ADCY5: variants seen among roughly 807,000 people sequenced by gnomAD.
The protein encoded by ADCY5 is adenylate cyclase type 5.
In ADCY5, 30 loss-of-function variants were observed where a neutral mutation model predicts 119.7. The ratio of observed to expected loss-of-function variants is 0.25; its 90% CI spans 0.19 to 0.34. The LOEUF is 0.34. Among genes scored for constraint, ADCY5 ranks in the 10% least tolerant of loss-of-function variants. ADCY5 has a pLI of 1.00. For missense variants in ADCY5, 1,324 were observed against 1,775.2 expected (o/e 0.75, Z 4.57); for synonymous variants, 753 against 762.2 (o/e 0.99, Z 0.20).
At chr3:123,322,892 G>A (rs1241370331) in intron 8 of ADCY5, among the ~76,000 whole-genome samples, 1 of 152,072 alleles carries the variant, frequency 6.6e-6, no homozygotes, top group Non-Finnish European at 1.5e-5. Context: ...TCACTACTTC[G>A]CGCTCCCAGC....
chr3:123,408,305 C>T (rs897764707), intron 1 of ADCY5, among the ~76,000 whole-genome samples: 1 of 151,518 alleles, frequency 6.6e-6, no homozygotes, highest in South Asian at 2.1e-4. Context: ...TTCATTTGTA[C>T]ACTCAGCAAG....
intron 1 of ADCY5, among the ~76,000 whole-genome samples, chr3:123,393,210 C>G (rs758588399): frequency 3.3e-5 from 5 of 152,144 alleles, no homozygotes; most frequent in African/African-American, 4.8e-5. Context: ...AACTCTGCAG[C>G]CTTGGGTTCA....
intron 8 of ADCY5, among the ~76,000 whole-genome samples, chr3:123,323,816 T>C (rs988480505): frequency 7.9e-5 from 12 of 152,176 alleles, no homozygotes; most frequent in African/African-American, 2.7e-4. Context: ...CATGCCACTA[T>C]GCCTAGCTAG....
At chr3:123,418,403 G>A (rs1409599232) in intron 1 of ADCY5, among the ~76,000 whole-genome samples, 2 of 152,190 alleles carry the variant, frequency 1.3e-5, no homozygotes, top group East Asian at 3.8e-4. Context: ...AAGAAAAGAG[G>A]TATATTTAGC....
intron 17 of ADCY5, among the ~76,000 whole-genome samples, chr3:123,292,180 T>C (rs1373611250): frequency 6.6e-6 from 1 of 152,224 alleles, no homozygotes; most frequent in Admixed American, 6.5e-5. Flanking sequence ...AAAATCTGGC[T>C]GGCCCACTTG....
At chr3:123,369,978 G>A (rs748082764) in intron 1 of ADCY5, among the ~76,000 whole-genome samples, 4 of 152,198 alleles carry the variant, frequency 2.6e-5, no homozygotes, top group Admixed American at 6.5e-5. Flanking sequence ...TTGGCACCAC[G>A]GCCACGGGAA....
chr3:123,437,706 A>G (rs1417908761), intron 1 of ADCY5, among the ~76,000 whole-genome samples: 2 of 152,140 alleles, frequency 1.3e-5, no homozygotes, highest in African/African-American at 4.8e-5. Flanking sequence ...GGGATGGGAA[A>G]GAAACATTTG....
chr3:123,346,616 T>G (rs1942572459), intron 3 of ADCY5, among the ~76,000 whole-genome samples: 1 of 58,024 alleles, frequency 1.7e-5, no homozygotes, highest in African/African-American at 4.5e-5. Flanking sequence ...CTTCTCTCTC[T>G]CTCTCTCTCT....
chr3:123,359,188 G>A (rs1391097335), intron 1 of ADCY5, among the ~76,000 whole-genome samples: 2 of 151,706 alleles, frequency 1.3e-5, no homozygotes, highest in Non-Finnish European at 2.9e-5. Flanking sequence ...GGCTGTGGTG[G>A]GAATCAGAAC....
intron 8 of ADCY5, among the ~76,000 whole-genome samples, chr3:123,325,041 C>T (rs1025874096): frequency 1.3e-5 from 2 of 152,222 alleles, no homozygotes; most frequent in Non-Finnish European, 2.9e-5. Flanking sequence ...ATGCCTGCTT[C>T]CAGGCTGTGC....
chr3:123,325,604 G>A (rs982012393), intron 7 of ADCY5, 142 bp from the exon 8 acceptor site: 45 of 1,115,856 alleles, frequency 4.0e-5, no homozygotes, highest in African/African-American at 2.7e-4. Context: ...GCCAGAGCTC[G>A]GCCCAGATCC....
At chr3:123,336,478 G>A (rs886485466) in intron 3 of ADCY5, among the ~76,000 whole-genome samples, 12 of 152,348 alleles carry the variant, frequency 7.9e-5, no homozygotes, top group Middle Eastern at 3.4e-3. Context: ...GGTCCACCCC[G>A]AGCCTGAGGC....
At chr3:123,399,852 A>G (rs55925662) in intron 1 of ADCY5, among the ~76,000 whole-genome samples, 40,308 of 152,128 alleles carry the variant, frequency 0.26, 5,501 homozygotes, top group Middle Eastern at 0.35. Flanking sequence ...GAGTCAGTTC[A>G]TGTAACGACC....
chr3:123,437,163 CAG>C (rs1945632396), intron 1 of ADCY5, among the ~76,000 whole-genome samples: 2 of 152,124 alleles, frequency 1.3e-5, no homozygotes, highest in Admixed American at 1.3e-4. Flanking sequence ...TTAATCCTTG[CAG>C]AGAGTTCTAG....
At chr3:123,401,262 G>A (rs1425565520) in intron 1 of ADCY5, among the ~76,000 whole-genome samples, 2 of 152,318 alleles carry the variant, frequency 1.3e-5, no homozygotes, top group Admixed American at 1.3e-4. Context: ...GGGTAGGTCA[G>A]ACAGGTGGTA....
At position 123,371,665 on chromosome 3, in the gene ADCY5, G is replaced by A. The variant is rs552493730; in HGVS notation, c.1135-19084C>T. 1.6e-4 allele frequency among the ~76,000 whole-genome samples: 25 copies of A among 152,342 alleles called. 1 individual carries two copies. Among genetic ancestry groups the A allele is most frequent in the African/African-American group, 6.0e-4 (25 of 41,574 alleles). ...GGATGGGGCAAGAGCTGGGGATGAG[G>A]CTGCCACTTCTGCACCCATTGTGGG... On this transcript the variant is annotated intron_variant, in intron 1 of 20. Coordinates refer to ENST00000462833, the MANE Select transcript of ADCY5 (RefSeq NM_183357.3).
chr3:123,425,712 C>CT (rs1460597367), intron 1 of ADCY5, among the ~76,000 whole-genome samples: 2 of 151,700 alleles, frequency 1.3e-5, no homozygotes, highest in African/African-American at 4.8e-5. Context: ...AGCCCACCCC[C>CT]CAGTTCACAC....
intron 3 of ADCY5, among the ~76,000 whole-genome samples, chr3:123,342,292 T>C (rs115188627): frequency 0.016 from 2,408 of 152,212 alleles, 61 homozygotes; most frequent in African/African-American, 0.055. Context: ...AGAACCACAC[T>C]GCAGCAGAGC....
Position 123,289,655 on chromosome 3 carries a change from C to T in ADCY5, c.3532+95G>A, listed in dbSNP as rs1244921696. 10 of 1,455,024 alleles carry T rather than the reference C, an allele frequency of 6.9e-6. No individual in the cohort carries two copies. In the East Asian group the frequency reaches 1.1e-4, roughly 17 times the overall value. 90.1% of individuals were successfully genotyped at this position (1,455,024 alleles called of 1,614,324 possible). ...GCCGCCTGGCCTTCTACCTTGGGAC[C>T]ACAATGGCGGATGCGGTATGGGGTA... is the stretch of plus-strand genomic sequence containing the variant. On this transcript the variant is annotated intron_variant, in intron 19 of 20. Transcript: ENST00000462833.
Sources: allele counts gnomAD v4.1 joint callset (sites outside exome capture counted in the v4.1 genomes callset), GRCh38; gene constraint gnomAD v4.1.1; transcripts MANE v1.5; gene names NCBI Gene and HGNC (gene_info 2026-07-23, HGNC 2026-07-21).